CLNK: variants seen among roughly 807,000 people sequenced by gnomAD.
The protein encoded by CLNK is cytokine-dependent hematopoietic cell linker.
In CLNK, 74 loss-of-function variants were observed where a neutral mutation model predicts 68.6. The observed-to-expected ratio is 1.08, with a 90% CI of 0.89 to 1.31. The LOEUF (loss-of-function observed/expected upper bound fraction) is 1.31, where lower values mean the gene tolerates loss of function less well. Ranked by LOEUF, CLNK falls within the 50% of genes most tolerant of loss-of-function variation. CLNK has a pLI of 0.00. For synonymous variants in CLNK, 198 were observed against 172.2 expected (o/e 1.15, Z -1.17); for missense variants, 553 against 515.3 (o/e 1.07, Z -0.71).
chr4:10,694,143 C>CA, the CLNK span, among the ~76,000 whole-genome samples: 1 of 151,780 alleles, frequency 6.6e-6, no homozygotes, highest in East Asian at 1.9e-4. Flanking sequence ...ATTGCCACGT[C>CA]AGTCTTTTCA....
At chr4:10,693,287 C>A in the CLNK span, among the ~76,000 whole-genome samples, 1 of 152,118 alleles carries the variant, frequency 6.6e-6, no homozygotes, top group Non-Finnish European at 1.5e-5. Flanking sequence ...TAGAATGTGA[C>A]CTTATTTGGA....
chr4:10,612,404 G>A (rs1236161046), intron 2 of CLNK, among the ~76,000 whole-genome samples: 1 of 152,224 alleles, frequency 6.6e-6, no homozygotes, highest in Non-Finnish European at 1.5e-5. Context: ...CTTGCTGAGA[G>A]TGTGTCAGCC....
chr4:10,539,236 G>C (rs1337342165), intron 11 of CLNK, among the ~76,000 whole-genome samples: 1 of 152,234 alleles, frequency 6.6e-6, no homozygotes, highest in African/African-American at 2.4e-5. Context: ...CATTCCATGG[G>C]AGAGACAACA....
At chr4:10,531,590 C>T (rs567726168) in intron 12 of CLNK, 75 of 361,352 alleles carry the variant, frequency 2.1e-4, no homozygotes, top group Non-Finnish European at 3.2e-4. Flanking sequence ...TACAGGCATG[C>T]GCCACCACAC....
At chr4:10,654,770 T>C (rs1048562030) in intron 2 of CLNK, among the ~76,000 whole-genome samples, 6 of 152,088 alleles carry the variant, frequency 3.9e-5, no homozygotes, top group African/African-American at 9.7e-5. Context: ...GTTGATATCT[T>C]AGCATTTACA....
chr4:10,566,093 C>G lies in CLNK; in HGVS notation c.208G>C (p.Asp70His), dbSNP rs182688260. Residue 70 changes from aspartate (D) to histidine (H), a missense_variant, in exon 6 of 19, where the codon GAT (aspartate) becomes CAT (histidine). Asp to His is a moderately conservative substitution (Grantham distance 81). Transcript: ENST00000226951. The stretch of plus-strand genomic sequence containing the variant: ...TCTTCCATCCGAAGCTCAGGGTCAT[C>G]ATAGTCATCATCACTGTGGCCTTTT... ...GAKGHSDDDY[D>H]DPELRMEETW... 9 of 1,613,938 alleles carry G rather than the reference C, an allele frequency of 5.6e-6. No individual in the cohort carries two copies. In the Admixed American group the frequency reaches 6.7e-5, roughly 12 times the overall value.
chr4:10,508,021 C>A lies in CLNK; in HGVS notation c.922G>T (p.Glu308Ter). 1.2e-6 allele frequency: 2 copies of A among 1,610,982 alleles called. No homozygotes were observed. Among genetic ancestry groups the A allele is most frequent in the East Asian group, 2.2e-5 (1 of 44,854 alleles). Residue 308 changes from glutamate (E) to a stop codon, truncating the protein, a stop_gained, in exon 17 of 19, where the codon GAA becomes TAA. Coordinates refer to ENST00000226951, the MANE Select transcript of CLNK (RefSeq NM_052964.4). LOFTEE classifies it high-confidence loss of function. ...CGGCTGTATTCTCCAATGTACCATT[C>A]ATTGTGCTGGACATCCTGCAGAACA... ...RSDRKDVQHNEWYIGEYSRQA... is the reference protein window; with the variant it reads ...RSDRKDVQHN
intron 4 of CLNK, among the ~76,000 whole-genome samples, chr4:10,573,810 C>T (rs536553090): frequency 4.3e-4 from 65 of 152,256 alleles, no homozygotes; most frequent in Admixed American, 1.2e-3. Flanking sequence ...TCCCCAAATA[C>T]GCTTCATGCC....
chr4:10,696,546 A>G, the CLNK span, among the ~76,000 whole-genome samples: 8 of 152,182 alleles, frequency 5.3e-5, no homozygotes, highest in East Asian at 1.9e-4. Context: ...AGCTGGCAAT[A>G]AACTCTTTGC....
At chr4:10,644,016 G>A (rs1036252079) in intron 2 of CLNK, among the ~76,000 whole-genome samples, 2 of 152,220 alleles carry the variant, frequency 1.3e-5, no homozygotes, top group African/African-American at 4.8e-5. Flanking sequence ...ACGAATTTGG[G>A]CAACATGGGG....
At chr4:10,646,109 A>T (rs1460226085) in intron 2 of CLNK, among the ~76,000 whole-genome samples, 1 of 152,198 alleles carries the variant, frequency 6.6e-6, no homozygotes, top group Non-Finnish European at 1.5e-5. Flanking sequence ...TGAGCAAGTT[A>T]TGGAGGAATT....
chr4:10,672,347 A>G (rs1293828155), intron 1 of CLNK, among the ~76,000 whole-genome samples: 3 of 152,154 alleles, frequency 2.0e-5, no homozygotes, highest in Non-Finnish European at 4.4e-5. Flanking sequence ...TCTCACAGTT[A>G]TGCTTTGGGA....
At chr4:10,543,290 T>A (rs2108810097) in intron 8 of CLNK, among the ~76,000 whole-genome samples, 1 of 152,250 alleles carries the variant, frequency 6.6e-6, no homozygotes, top group South Asian at 2.1e-4. Flanking sequence ...TGTTTGATTA[T>A]CTCTAAAAAT....
At position 10,544,723 on chromosome 4, in the gene CLNK, C is replaced by A. The variant is rs150904566; in HGVS notation, c.446-2443G>T. ...GTGGTGTCAGTTCATTTTTCTGTTG[C>A]TTAAAACAGAATACTTGAAATTAGG... On this transcript the variant is annotated intron_variant, in intron 8 of 18. Transcript: ENST00000226951. Among the ~76,000 whole-genome samples the A allele has an allele frequency of 6.4e-3, 970 of 152,204 alleles. 27 individuals carry two copies. In the South Asian group the frequency reaches 0.071, roughly 11 times the overall value.
intron 1 of CLNK, among the ~76,000 whole-genome samples, chr4:10,677,111 G>C (rs1008451642): frequency 1.3e-5 from 2 of 151,664 alleles, no homozygotes; most frequent in Admixed American, 1.3e-4. Context: ...AATGCATTGA[G>C]ATGGTACTGA....
intron 2 of CLNK, among the ~76,000 whole-genome samples, chr4:10,646,708 T>C (rs1239667908): frequency 6.6e-6 from 1 of 152,120 alleles, no homozygotes. Flanking sequence ...CCCTTGTATG[T>C]AAGCCTGAAC....
At chr4:10,715,225 C>T in the CLNK span, among the ~76,000 whole-genome samples, 1 of 152,104 alleles carries the variant, frequency 6.6e-6, no homozygotes, top group South Asian at 2.1e-4. Flanking sequence ...AACCATAAGC[C>T]CCTCTCTAGA....
intron 2 of CLNK, among the ~76,000 whole-genome samples, chr4:10,664,908 A>C (rs1036827915): frequency 3.9e-5 from 6 of 152,196 alleles, no homozygotes; most frequent in African/African-American, 1.4e-4. Flanking sequence ...TTCTAATTTT[A>C]ATATTTACTT....
chr4:10,696,113 C>T, the CLNK span, among the ~76,000 whole-genome samples: 1 of 152,184 alleles, frequency 6.6e-6, no homozygotes, highest in Non-Finnish European at 1.5e-5. Context: ...ACCTCGGCCT[C>T]CCAAAGTGCT....
Sources: gnomAD v4.1 joint callset for allele counts (sites outside exome capture counted in the v4.1 genomes callset) on GRCh38, gnomAD v4.1.1 for gene constraint, MANE v1.5 for transcripts, NCBI Gene and HGNC (gene_info 2026-07-23, HGNC 2026-07-21) for gene names.